PTPRN2: variants seen among roughly 807,000 people sequenced by gnomAD.
The protein encoded by PTPRN2 is receptor-type tyrosine-protein phosphatase N2.
Under a neutral mutation model 118.8 loss-of-function variants are expected in PTPRN2, and 74 were observed. That is an observed-to-expected ratio of 0.62 (90% CI 0.52 to 0.76). The LOEUF (loss-of-function observed/expected upper bound fraction) is 0.76. PTPRN2 is among the 30% of genes least tolerant of loss of function. The pLI is 0.00. For synonymous variants in PTPRN2, 641 were observed against 608.0 expected, an observed-to-expected ratio of 1.05 and a Z score of -0.80; for missense variants, 1,481 against 1,394.4, an observed-to-expected ratio of 1.06 and a Z score of -0.99.
At chr7:158,044,735 C>T (rs973085994) in intron 11 of PTPRN2, among the ~76,000 whole-genome samples, 1 of 152,172 alleles carries the variant, frequency 6.6e-6, no homozygotes, top group Non-Finnish European at 1.5e-5. Flanking sequence ...GTGTCCAGGG[C>T]TCAAGTGGCC....
intron 3 of PTPRN2, among the ~76,000 whole-genome samples, chr7:158,274,386 G>GCAGGCACAGGGGGAGCCA (rs1563074669): frequency 2.9e-4 from 26 of 91,050 alleles, no homozygotes; most frequent in African/African-American, 1.3e-3. Flanking sequence ...AGGGGGAGCC[G>GCAGGCACAGGGGGAGCCA]CAGGCACAGG....
At chr7:157,719,536 G>A (rs1029636191) in intron 12 of PTPRN2, among the ~76,000 whole-genome samples, 7 of 152,256 alleles carry the variant, frequency 4.6e-5, no homozygotes, top group East Asian at 3.8e-4. Flanking sequence ...GGAGAACTTC[G>A]TGCCTGCTGT....
At chr7:157,568,093 G>A (rs1477595555) in intron 21 of PTPRN2, among the ~76,000 whole-genome samples, 6 of 152,208 alleles carry the variant, frequency 3.9e-5, no homozygotes, top group African/African-American at 1.4e-4. Flanking sequence ...TGCTTTTGTA[G>A]GAGAAAATTG....
At chr7:158,387,544 G>C (rs1811543301) in intron 2 of PTPRN2, among the ~76,000 whole-genome samples, 1 of 152,304 alleles carries the variant, frequency 6.6e-6, no homozygotes, top group Non-Finnish European at 1.5e-5. Flanking sequence ...GGGGGGACTG[G>C]ACTCCAGGGG....
chr7:157,896,210 G>A (rs1224371278), intron 12 of PTPRN2, among the ~76,000 whole-genome samples: 1 of 151,346 alleles, frequency 6.6e-6, no homozygotes, highest in Non-Finnish European at 1.5e-5. Flanking sequence ...ATCCAAGCAG[G>A]GAGTGCCTGG....
intron 3 of PTPRN2, among the ~76,000 whole-genome samples, chr7:158,260,242 ACT>A (rs1563051077): frequency 6.6e-6 from 1 of 151,970 alleles, no homozygotes; most frequent in Non-Finnish European, 1.5e-5. Context: ...AATGCTGAGG[ACT>A]CTCAGGCCAG....
At chr7:158,326,486 C>T (rs1380278289) in intron 2 of PTPRN2, among the ~76,000 whole-genome samples, 1 of 152,132 alleles carries the variant, frequency 6.6e-6, no homozygotes, top group Non-Finnish European at 1.5e-5. Flanking sequence ...ACCACATACA[C>T]AGACATTCAC....
chr7:158,225,580 T>C (rs1828706187), intron 3 of PTPRN2, among the ~76,000 whole-genome samples: 1 of 152,178 alleles, frequency 6.6e-6, no homozygotes, highest in Non-Finnish European at 1.5e-5. Context: ...TTCCTCAAGT[T>C]TGCAGTCTAG....
At chr7:158,204,084 G>A (rs1376287728) in intron 4 of PTPRN2, among the ~76,000 whole-genome samples, 1 of 151,646 alleles carries the variant, frequency 6.6e-6, no homozygotes, top group African/African-American at 2.4e-5. Flanking sequence ...GCCGTGTGGT[G>A]AAGACGAAGC....
chr7:157,845,520 T>C lies in PTPRN2; in HGVS notation c.1788+53153A>G, dbSNP rs1017865997. Among the ~76,000 whole-genome samples, 2 of 151,940 alleles carry C rather than the reference T, an allele frequency of 1.3e-5. No homozygotes were observed. Among genetic ancestry groups the C allele is most frequent in the African/African-American group, 2.4e-5 (1 of 41,356 alleles). On this transcript the variant is annotated intron_variant, in intron 12 of 22. Transcript: ENST00000389418. This position sits in a 1 kb window ranked among gnomAD's most constrained non-coding sequence, Gnocchi z 4.5. ...AACCACGCAGCCTAACTCAGCATGT[T>C]CCCGGCCACATCCCGGTGAACCATG...
intron 6 of PTPRN2, 135 bp from the exon 7 acceptor site, chr7:158,138,650 T>C: frequency 2.8e-6 from 2 of 719,824 alleles, no homozygotes; most frequent in South Asian, 3.6e-5. Context: ...CGCAGGCCAG[T>C]GCTCAGAGAA....
chr7:158,010,472 C>T (rs1294732458), intron 11 of PTPRN2, among the ~76,000 whole-genome samples: 1 of 152,220 alleles, frequency 6.6e-6, no homozygotes, highest in Non-Finnish European at 1.5e-5. Context: ...TTACTCAAAA[C>T]CTCAGAAACA....
rs1798539045 is a variant in PTPRN2 at position 157,710,301 on chromosome 7, CTG to C, written c.1789-27366_1789-27365del. 2.0e-5 allele frequency among the ~76,000 whole-genome samples: 3 copies of C among 152,190 alleles called. No individual in the cohort carries two copies. The South Asian group carries it at 6.2e-4, about 32-fold the overall frequency. On this transcript the variant is annotated intron_variant, in intron 12 of 22. Coordinates refer to ENST00000389418, the MANE Select transcript of PTPRN2 (RefSeq NM_002847.5). ...GACTTCTGATGTGAGAAGACAGTGA[CTG>C]TGTGCTCATTAAAACTCACTCTTGG... is the stretch of plus-strand genomic sequence containing the variant.
intron 12 of PTPRN2, among the ~76,000 whole-genome samples, chr7:157,708,155 C>T (rs747744003): frequency 2.6e-5 from 4 of 152,208 alleles, no homozygotes; most frequent in East Asian, 1.9e-4. Context: ...TGCTTTGCCT[C>T]GGATGGGCAC....
chr7:158,331,248 C>T (rs1228932690), intron 2 of PTPRN2, among the ~76,000 whole-genome samples: 4 of 149,664 alleles, frequency 2.7e-5, no homozygotes, highest in Admixed American at 2.7e-4. Context: ...ACGTCACTCA[C>T]ACCCACACTC....
At chr7:158,366,906 G>C (rs1422052403) in intron 2 of PTPRN2, among the ~76,000 whole-genome samples, 2 of 152,196 alleles carry the variant, frequency 1.3e-5, no homozygotes, top group Admixed American at 6.5e-5. Flanking sequence ...AAACAGCAAA[G>C]CGGTGCCTTT....
rs1047571781 is a variant in PTPRN2 at position 157,540,492 on chromosome 7, C to T, written c.*222G>A. 7 of 406,618 alleles carry T rather than the reference C, an allele frequency of 1.7e-5. No homozygotes were observed. Among genetic ancestry groups the T allele is most frequent in the East Asian group, 3.7e-5 (1 of 27,166 alleles). 25.2% of individuals were successfully genotyped at this position (406,618 alleles called of 1,614,324 possible). Reference sequence around the variant, plus strand: ...TTTAAGCAAGTGAAAATTGATGAACCGATTCCCCTCCACCCGTAACTGGAT... The same window carrying T: ...TTTAAGCAAGTGAAAATTGATGAACTGATTCCCCTCCACCCGTAACTGGAT... On this transcript the variant is annotated 3_prime_UTR_variant, in exon 23 of 23. Coordinates refer to ENST00000389418, the MANE Select transcript of PTPRN2 (RefSeq NM_002847.5).
At chr7:158,163,882 G>A (rs1822617502) in intron 6 of PTPRN2, among the ~76,000 whole-genome samples, 1 of 152,372 alleles carries the variant, frequency 6.6e-6, no homozygotes, top group South Asian at 2.1e-4. Flanking sequence ...ATATTTCATA[G>A]GTGATCAGTA....
At chr7:158,542,115 T>C (rs1437104764) in intron 1 of PTPRN2, among the ~76,000 whole-genome samples, 1 of 152,228 alleles carries the variant, frequency 6.6e-6, no homozygotes, top group African/African-American at 2.4e-5. Context: ...GATTTTTCAT[T>C]AATTCAAACC....
Sources: allele counts gnomAD v4.1 joint callset (sites outside exome capture counted in the v4.1 genomes callset), GRCh38; gene constraint gnomAD v4.1.1; non-coding constraint Gnocchi (gnomAD v3.1); transcripts MANE v1.5; gene names NCBI Gene and HGNC (gene_info 2026-07-23, HGNC 2026-07-21).